SENP6: variants seen among roughly 807,000 people sequenced by gnomAD.
SENP6 encodes SUMO specific peptidase 6, also known as sentrin-specific protease 6.
A neutral mutation model predicts 134.5 loss-of-function variants in SENP6; 41 were observed. That is an observed-to-expected ratio of 0.30 (90% CI 0.24 to 0.40). SENP6 has a LOEUF of 0.40. SENP6 is among the 10% of genes least tolerant of loss of function. SENP6 has a pLI of 1.00. For missense variants in SENP6, 1,248 were observed against 1,312.5 expected (o/e 0.95, Z 0.76); for synonymous variants, 395 against 429.8 (o/e 0.92, Z 1.00).
intron 7 of SENP6, among the ~76,000 whole-genome samples, chr6:75,651,197 A>G (rs906279893): frequency 6.6e-6 from 1 of 151,824 alleles, no homozygotes. Context: ...TTGTTTCTTA[A>G]ACTCCCTTTT....
chr6:75,705,570 T>A (rs185592196), intron 19 of SENP6, among the ~76,000 whole-genome samples: 40 of 152,032 alleles, frequency 2.6e-4, no homozygotes, highest in African/African-American at 9.2e-4. Flanking sequence ...ATTAATTAAT[T>A]AATTAAAAAC....
chr6:75,663,821 TG>T (rs34474209), intron 9 of SENP6, among the ~76,000 whole-genome samples: 47,790 of 117,364 alleles, frequency 0.41, 8,828 homozygotes, highest in East Asian at 0.58. Context: ...TTTTTTTTTG[TG>T]GGGGGGGGGG....
chr6:75,693,457 C>T (rs1774436369), intron 16 of SENP6, among the ~76,000 whole-genome samples: 1 of 150,658 alleles, frequency 6.6e-6, no homozygotes. Context: ...TAGTTTGGGC[C>T]AGCAAAAGTC....
chr6:75,615,034 G>A (rs1767748858), intron 1 of SENP6, among the ~76,000 whole-genome samples: 1 of 152,100 alleles, frequency 6.6e-6, no homozygotes, highest in Admixed American at 6.6e-5. Context: ...GGGATTACAA[G>A]CATGCACCAC....
At chr6:75,622,900 CTTTCA>C (rs1386284103) in intron 2 of SENP6, 2 of 895,312 alleles carry the variant, frequency 2.2e-6, no homozygotes, top group African/African-American at 3.5e-5. Flanking sequence ...GGTTTTCTTT[CTTTCA>C]TTTCTTTTAT....
At chr6:75,651,808 T>C (rs1373730515) in intron 7 of SENP6, among the ~76,000 whole-genome samples, 1 of 152,224 alleles carries the variant, frequency 6.6e-6, no homozygotes, top group Non-Finnish European at 1.5e-5. Flanking sequence ...GACTTTATGA[T>C]ATCTAGTTTT....
intron 16 of SENP6, among the ~76,000 whole-genome samples, chr6:75,682,837 G>C (rs972639380): frequency 6.6e-6 from 1 of 152,090 alleles, no homozygotes; most frequent in Admixed American, 6.6e-5. Flanking sequence ...CCAAGTCTTT[G>C]CTATTGTGAA....
At chr6:75,647,211 A>C (rs1212415857) in intron 6 of SENP6, 2 of 151,968 alleles carry the variant, frequency 1.3e-5, no homozygotes, top group Non-Finnish European at 2.9e-5. Flanking sequence ...TTCCCCCCAA[A>C]TTTTGCTTTT....
At chr6:75,651,590 G>A (rs1188052151) in intron 7 of SENP6, among the ~76,000 whole-genome samples, 2 of 152,092 alleles carry the variant, frequency 1.3e-5, no homozygotes, top group African/African-American at 2.4e-5. Flanking sequence ...GGGCTCCAGC[G>A]ATCTGCTCGC....
chr6:75,688,419 C>A (rs761641702), intron 16 of SENP6, among the ~76,000 whole-genome samples: 11 of 152,154 alleles, frequency 7.2e-5, no homozygotes, highest in Non-Finnish European at 1.5e-4. Flanking sequence ...CAACCAGTCC[C>A]AATGAGATGA....
rs1383217539 is a variant in SENP6 at position 75,638,313 on chromosome 6, T to C, written c.459-2371T>C. Among the ~76,000 whole-genome samples, 4 of 150,496 alleles carry C rather than the reference T, an allele frequency of 2.7e-5. No homozygotes were observed. In the East Asian group the frequency reaches 7.7e-4, roughly 29 times the overall value. On this transcript the variant is annotated intron_variant, in intron 5 of 23. Coordinates refer to ENST00000447266, the MANE Select transcript of SENP6 (RefSeq NM_015571.4). Reference sequence around the variant, plus strand: ...AAGGTAATTTTTCTTTTCTATATTGTATGAAATAGTCCAACAAGAATGTAA... The same window carrying C: ...AAGGTAATTTTTCTTTTCTATATTGCATGAAATAGTCCAACAAGAATGTAA...
chr6:75,610,997 G>A (rs933593430), intron 1 of SENP6: 2 of 125,030 alleles, frequency 1.6e-5, no homozygotes, highest in African/African-American at 5.7e-5. Flanking sequence ...AGTGGACGAC[G>A]AGGAACTAGA....
intron 1 of SENP6, among the ~76,000 whole-genome samples, chr6:75,616,047 C>T (rs975251997): frequency 6.6e-6 from 1 of 152,072 alleles, no homozygotes. Context: ...ACTATTATCT[C>T]CTCTCTGGTT....
Position 75,678,676 on chromosome 6 carries a change from A to G in SENP6, c.1942A>G (p.Ile648Val), listed in dbSNP as rs1433323562. 1.9e-6 allele frequency: 3 copies of G among 1,588,890 alleles called. No homozygotes were observed. Among genetic ancestry groups the G allele is most frequent in the Non-Finnish European group, 2.6e-6 (3 of 1,160,984 alleles). Residue 648 changes from isoleucine to valine, a missense_variant, in exon 15 of 24, where the codon ATT (isoleucine) becomes GTT (valine). Coordinates refer to ENST00000447266, the MANE Select transcript of SENP6 (RefSeq NM_015571.4). ...AACTGGAGAAAACCACACCATCTTC[A>G]TTGGCCCAGTAGAAAAGTGAGAGAA... Reference protein sequence around the residue: ...EETGENHTIFIGPVEKLIVYP... With the variant: ...EETGENHTIFVGPVEKLIVYP...
intron 2 of SENP6, chr6:75,622,795 C>A (rs187145099): frequency 3.1e-6 from 4 of 1,289,004 alleles, no homozygotes; most frequent in Non-Finnish European, 1.0e-6. Context: ...ATCATTACCA[C>A]TTTATGTGCC....
chr6:75,605,938 G>C (rs1431570643), intron 1 of SENP6, among the ~76,000 whole-genome samples: 1 of 152,176 alleles, frequency 6.6e-6, no homozygotes, highest in African/African-American at 2.4e-5. Context: ...CTGGGGAAGA[G>C]AAGTTGATAG....
intron 6 of SENP6, chr6:75,644,243 C>T (rs1300491689): frequency 1.3e-5 from 2 of 151,696 alleles, no homozygotes; most frequent in Non-Finnish European, 2.9e-5. Context: ...GTAGTTACAT[C>T]AAAGGGAAAC....
At position 75,677,177 on chromosome 6, in the gene SENP6, G is replaced by T. The variant is rs749486990; in HGVS notation, c.1769G>T (p.Gly590Val). 6.2e-7 allele frequency: 1 copy of T among 1,612,614 alleles called. No individual in the cohort carries two copies. The highest frequency in any genetic ancestry group is 1.1e-5 in the South Asian group (1 of 90,824). ...FAKIPFEEAN[G>V]RLVACTRTYE... ...AAAATTCCCTTTGAAGAAGCTAATG[G>T]CAGACTTGTTGCCTGTACAAGAACC... Residue 590 changes from glycine to valine, a missense_variant, in exon 14 of 24, where the codon GGC becomes GTC. Physicochemically the swap from Gly to Val is moderately radical, Grantham distance 109. Around this residue, in one of 3 missense-constraint regions of SENP6, gnomAD observed 733 missense variants for 725.4 expected, o/e 1.01. Transcript: ENST00000447266.
intron 9 of SENP6, among the ~76,000 whole-genome samples, chr6:75,665,343 T>C (rs2149867485): frequency 6.6e-6 from 1 of 151,280 alleles, no homozygotes; most frequent in African/African-American, 2.4e-5. Flanking sequence ...ATGCATAATA[T>C]TGAGGGAAGT....
Sources: allele counts gnomAD v4.1 joint callset (sites outside exome capture counted in the v4.1 genomes callset), GRCh38; gene constraint gnomAD v4.1.1; regional missense constraint gnomAD v4.1.1; transcripts MANE v1.5; gene names NCBI Gene and HGNC (gene_info 2026-07-23, HGNC 2026-07-21).